The following CAPSL variants were observed in gnomAD, a reference collection of about 807,000 sequenced individuals.
CAPSL encodes calcyphosin-like protein.
In CAPSL, 17 loss-of-function variants were observed where a neutral mutation model predicts 21.3. The ratio of observed to expected loss-of-function variants is 0.80; its 90% confidence interval spans 0.55 to 1.20. The LOEUF (loss-of-function observed/expected upper bound fraction) is 1.20, where lower values mean the gene tolerates loss of function less well. Among genes scored for constraint, CAPSL ranks in the 50% most tolerant of loss-of-function variants. CAPSL has a pLI of 0.00. For synonymous variants in CAPSL, 102 were observed against 89.3 expected (o/e 1.14, Z -0.80); for missense variants, 289 against 259.3 (o/e 1.11, Z -0.79).
rs1253926694 is a variant in CAPSL at position 35,904,581 on chromosome 5, G to A, written c.591C>T (p.Tyr197=). 3 of 1,613,726 alleles carry A rather than the reference G, an allele frequency of 1.9e-6. No individual in the cohort carries two copies. The highest frequency in any genetic ancestry group is 2.7e-5 in the African/African-American group (2 of 74,836). ...GVSASIDTDV[Y]FIIMMRTAWK... ...AGGCGGTTCTCATCATGATGATGAA[G>A]TACACATCAGTGTCAATGGATGCGC... The change falls in exon 5 of 5, where the codon TAC becomes TAT. Residue 197 remains tyrosine, a synonymous_variant. Coordinates refer to ENST00000651391, the MANE Select transcript of CAPSL (RefSeq NM_001042625.2).
chr5:35,936,513 A>C (rs1411053752), intron 1 of CAPSL, among the ~76,000 whole-genome samples: 2 of 152,204 alleles, frequency 1.3e-5, no homozygotes, highest in African/African-American at 4.8e-5. Flanking sequence ...CTGTCATTCC[A>C]ACAAATATAC....
At chr5:35,933,052 T>C (rs1010951947) in intron 1 of CAPSL, among the ~76,000 whole-genome samples, 57 of 152,312 alleles carry the variant, frequency 3.7e-4, no homozygotes, top group African/African-American at 1.3e-3. Context: ...GCTTTCACAT[T>C]ACAACTCAAA....
intron 2 of CAPSL, among the ~76,000 whole-genome samples, chr5:35,913,865 C>A (rs1488667697): frequency 6.6e-6 from 1 of 152,136 alleles, no homozygotes; most frequent in East Asian, 1.9e-4. Context: ...ACAATATTAA[C>A]CTGAAATGTA....
chr5:35,904,319 T>C lies in CAPSL; in HGVS notation c.*226A>G. 1 of 563,280 alleles carries C rather than the reference T, an allele frequency of 1.8e-6. No homozygotes were observed. Among genetic ancestry groups the C allele is most frequent in the South Asian group, 2.3e-5 (1 of 44,270 alleles). The allele number at this position is 563,280 out of a possible 1,614,324, so 34.9% of individuals were successfully genotyped here. On this transcript the variant is annotated 3_prime_UTR_variant, in exon 5 of 5. Transcript: ENST00000651391. ...CTTTACAGAGCTCATTTTATTTAAG[T>C]CCTATTTTAGAACAAAGGAAACAGT...
intron 2 of CAPSL, among the ~76,000 whole-genome samples, chr5:35,918,510 T>C (rs563177654): frequency 2.1e-4 from 32 of 152,238 alleles, no homozygotes; most frequent in African/African-American, 6.7e-4. Flanking sequence ...ATACCTAATG[T>C]AGATGACAGG....
chr5:35,930,715 TAGA>T (rs1381515995), intron 1 of CAPSL, among the ~76,000 whole-genome samples: 1 of 152,276 alleles, frequency 6.6e-6, no homozygotes, highest in African/African-American at 2.4e-5. Flanking sequence ...TTTACATTCC[TAGA>T]AGTAGTTTTA....
chr5:35,925,009 C>T (rs986422247), intron 1 of CAPSL, among the ~76,000 whole-genome samples: 1 of 152,216 alleles, frequency 6.6e-6, no homozygotes, highest in Non-Finnish European at 1.5e-5. Flanking sequence ...CTTAAAGATC[C>T]GGTGTGGTGA....
chr5:35,906,543 T>C (rs1470653311), intron 4 of CAPSL, among the ~76,000 whole-genome samples: 1 of 152,206 alleles, frequency 6.6e-6, no homozygotes, highest in Non-Finnish European at 1.5e-5. Flanking sequence ...GGCAACCATC[T>C]TGAGATCATG....
chr5:35,929,832 T>C (rs1738777324), intron 1 of CAPSL, among the ~76,000 whole-genome samples: 1 of 152,088 alleles, frequency 6.6e-6, no homozygotes, highest in African/African-American at 2.4e-5. Flanking sequence ...CCATCTTAGG[T>C]CCTTGCTTGG....
At chr5:35,922,486 C>A (rs1738565541) in intron 1 of CAPSL, among the ~76,000 whole-genome samples, 2 of 152,140 alleles carry the variant, frequency 1.3e-5, no homozygotes, top group African/African-American at 4.8e-5. Context: ...AACCTCGGGT[C>A]AAGAAGGAGA....
intron 1 of CAPSL, among the ~76,000 whole-genome samples, chr5:35,931,157 T>C (rs1303267331): frequency 6.6e-6 from 1 of 152,202 alleles, no homozygotes; most frequent in Non-Finnish European, 1.5e-5. Flanking sequence ...GTCAAAAATA[T>C]TCCTAACTGA....
intron 1 of CAPSL, among the ~76,000 whole-genome samples, chr5:35,934,269 A>T (rs1738890437): frequency 6.6e-6 from 1 of 152,180 alleles, no homozygotes; most frequent in African/African-American, 2.4e-5. Flanking sequence ...CACCTCCACA[A>T]GTTACAGCAG....
intron 1 of CAPSL, among the ~76,000 whole-genome samples, chr5:35,935,811 G>C (rs2098706): frequency 0.19 from 28,303 of 151,744 alleles, 3,447 homozygotes; most frequent in African/African-American, 0.35. Flanking sequence ...CACACTCTGC[G>C]CATCTTTCTG....
In CAPSL at chr5:35,921,179, G is replaced by A. The variant is rs540301117; in HGVS notation, c.1-59C>T. On this transcript the variant is annotated intron_variant, in intron 1 of 4. Transcript: ENST00000651391. The stretch of plus-strand genomic sequence containing the variant: ...AGGCCTCGCCGCTGCCTCTGGCTGG[G>A]CAGAGTGACAGAAGCCTCACTGAGA... The A allele has an allele frequency of 3.3e-5, 52 of 1,576,014 alleles. No individual in the cohort carries two copies. The African/African-American group carries it at 6.8e-4, about 20-fold the overall frequency.
At chr5:35,914,818 A>G (rs1448048258) in intron 2 of CAPSL, among the ~76,000 whole-genome samples, 2 of 152,238 alleles carry the variant, frequency 1.3e-5, no homozygotes, top group Admixed American at 1.3e-4. Context: ...GCAAGAGCAA[A>G]CATATTCAAA....
chr5:35,913,299 G>A (rs1738282553), intron 2 of CAPSL, among the ~76,000 whole-genome samples: 1 of 152,200 alleles, frequency 6.6e-6, no homozygotes, highest in Non-Finnish European at 1.5e-5. Context: ...ATATTTTCCA[G>A]GAGAACTTCC....
chr5:35,931,663 G>A (rs559256497), intron 1 of CAPSL, among the ~76,000 whole-genome samples: 2 of 152,082 alleles, frequency 1.3e-5, no homozygotes, highest in African/African-American at 4.8e-5. Flanking sequence ...CAACCTGCTC[G>A]ATGCAACATC....
At chr5:35,911,065 C>T (rs1738208887) in intron 2 of CAPSL, among the ~76,000 whole-genome samples, 2 of 152,288 alleles carry the variant, frequency 1.3e-5, no homozygotes, top group South Asian at 2.1e-4. Flanking sequence ...ACCAATAAAA[C>T]TATGCTGGAT....
intron 2 of CAPSL, among the ~76,000 whole-genome samples, chr5:35,910,881 T>C (rs1288117295): frequency 6.6e-6 from 1 of 152,212 alleles, no homozygotes; most frequent in Admixed American, 6.5e-5. Flanking sequence ...GGTGGATACA[T>C]GACATTATGC....
Sources: gnomAD v4.1 joint callset for allele counts (sites outside exome capture counted in the v4.1 genomes callset) on GRCh38, gnomAD v4.1.1 for gene constraint, MANE v1.5 for transcripts, NCBI Gene and HGNC (gene_info 2026-07-23, HGNC 2026-07-21) for gene names.